The following ATP8B1 variants were observed in gnomAD, a reference collection of about 807,000 sequenced individuals.
The protein encoded by ATP8B1 is phospholipid-transporting ATPase IC.
Under a neutral mutation model 149.9 loss-of-function variants are expected in ATP8B1, and 80 were observed. The observed-to-expected ratio is 0.53, with a 90% confidence interval of 0.45 to 0.64. The LOEUF (loss-of-function observed/expected upper bound fraction) is 0.64. ATP8B1 is among the 30% of genes least tolerant of loss of function. The pLI is 0.00. For synonymous variants in ATP8B1, 536 were observed against 562.8 expected (o/e 0.95, Z 0.67); for missense variants, 1,247 against 1,552.6 (o/e 0.80, Z 3.31).
intron 2 of ATP8B1, among the ~76,000 whole-genome samples, chr18:57,729,975 A>T (rs949398762): frequency 2.4e-4 from 36 of 152,132 alleles, no homozygotes; most frequent in African/African-American, 8.7e-4. Flanking sequence ...CTAAGAGGTA[A>T]TCCATCTAAA....
chr18:57,754,064 G>C (rs2123281453), intron 1 of ATP8B1, among the ~76,000 whole-genome samples: 1 of 82,904 alleles, frequency 1.2e-5, no homozygotes, highest in East Asian at 2.4e-4. Flanking sequence ...TGGACTTGAG[G>C]AGGCATATTT....
rs984405052 is a variant in ATP8B1 at position 57,760,288 on chromosome 18, C to T, written c.-25-28456G>A. Among the ~76,000 whole-genome samples, 4 of 152,240 alleles carry T rather than the reference C, an allele frequency of 2.6e-5. No homozygotes were observed. The South Asian group carries it at 6.2e-4, about 24-fold the overall frequency. On this transcript the variant is annotated intron_variant, in intron 1 of 27. Transcript: ENST00000648908. ...TCTTGGGATGAACATTTCATCAACACAATCACTCTGGGATAATGCCTGGGT... is the reference window on the plus strand; with the variant it reads ...TCTTGGGATGAACATTTCATCAACATAATCACTCTGGGATAATGCCTGGGT...
rs888398051 is a variant in ATP8B1 at position 57,647,281 on chromosome 18, A to G, written c.*1207T>C. On this transcript the variant is annotated 3_prime_UTR_variant, in exon 28 of 28. Transcript: ENST00000648908. ...TCATTTGGTACTATGGGAAGCTGCT[A>G]AAATAATATTTGATAGTAAAAGTAT... The G allele has an allele frequency of 2.6e-5, 4 of 152,212 alleles. No homozygotes were observed. Among genetic ancestry groups the G allele is most frequent in the Non-Finnish European group, 4.4e-5 (3 of 68,032 alleles). The allele number at this position is 152,212 out of a possible 1,614,324, so 9.4% of individuals were successfully genotyped here. A position where few individuals can be genotyped will look rare whatever the true frequency, so the allele number is the denominator to read the frequency against.
chr18:57,719,093 T>C (rs2079612171), intron 2 of ATP8B1, among the ~76,000 whole-genome samples: 1 of 152,228 alleles, frequency 6.6e-6, no homozygotes, highest in Non-Finnish European at 1.5e-5. Context: ...TGATCTCATA[T>C]TTGGAAAAAC....
At chr18:57,743,305 C>G (rs1161351947) in intron 1 of ATP8B1, among the ~76,000 whole-genome samples, 6 of 152,142 alleles carry the variant, frequency 3.9e-5, no homozygotes, top group Non-Finnish European at 7.4e-5. Context: ...CAGGAAGCAT[C>G]AGAGCCTGCT....
chr18:57,658,332 G>A (rs961377838), intron 22 of ATP8B1, among the ~76,000 whole-genome samples: 5 of 152,178 alleles, frequency 3.3e-5, no homozygotes, highest in African/African-American at 1.2e-4. Flanking sequence ...TTACAGGCAT[G>A]AGCCACCATG....
chr18:57,662,418 A>G (rs1261662557), intron 21 of ATP8B1, 65 bp downstream of exon 21: 2 of 1,598,364 alleles, frequency 1.3e-6, no homozygotes, highest in Non-Finnish European at 1.7e-6. Context: ...GAAAGCATCT[A>G]AAAGTGGCTC....
At chr18:57,690,517 A>G (rs778103058) in intron 12 of ATP8B1, among the ~76,000 whole-genome samples, 2 of 152,274 alleles carry the variant, frequency 1.3e-5, no homozygotes, top group Non-Finnish European at 2.9e-5. Flanking sequence ...AGTTTCTTTT[A>G]TAATACACAT....
intron 1 of ATP8B1, among the ~76,000 whole-genome samples, chr18:57,745,878 C>T (rs1041011774): frequency 6.6e-6 from 1 of 152,050 alleles, no homozygotes. Flanking sequence ...CCAGGCTGAT[C>T]CCAAACTCCT....
rs121909099 is a variant in ATP8B1 at position 57,695,248 on chromosome 18, A to G, written c.863T>C (p.Leu288Ser). Residue 288 changes from leucine (L) to serine (S), a missense_variant, in exon 10 of 28, where the codon TTG becomes TCG. Around this residue, in one of 3 missense-constraint regions of ATP8B1, gnomAD observed 853 missense variants for 1,035.7 expected, o/e 0.82. Coordinates refer to ENST00000648908, the MANE Select transcript of ATP8B1 (RefSeq NM_001374385.1). Reference sequence around the variant, plus strand: ...ACGTAACAAAATTTTATCAGCATCCAAAGGAAAACTTGTGTTTCTCCAAAA... The same window carrying G: ...ACGTAACAAAATTTTATCAGCATCCGAAGGAAAACTTGTGTTTCTCCAAAA... ...TLFWRNTSFP[L>S]DADKILLRGC... 1.2e-6 allele frequency: 2 copies of G among 1,613,962 alleles called. No individual in the cohort carries two copies. The highest frequency in any genetic ancestry group is 1.7e-6 in the Non-Finnish European group (2 of 1,179,960).
Position 57,697,618 on chromosome 18 carries a change from C to A in ATP8B1, c.698G>T (p.Gly233Val), listed in dbSNP as rs868595600. Residue 233 changes from glycine (G) to valine (V), a missense_variant and splice_region_variant, in exon 8 of 28, where the codon GGA becomes GTA. Gly to Val is a moderately radical substitution (Grantham distance 109). Around this residue, in one of 3 missense-constraint regions of ATP8B1, gnomAD observed 853 missense variants for 1,035.7 expected, o/e 0.82. Coordinates refer to ENST00000648908, the MANE Select transcript of ATP8B1 (RefSeq NM_001374385.1). ...LCYVETAELD[G>V]ETNLKFKMSL... The stretch of plus-strand genomic sequence containing the variant: ...ATCAGGCCCATCGAGACACACTTAC[C>A]CATCCAGTTCTGCTGTTTCCACATA... The A allele has an allele frequency of 6.2e-7, 1 of 1,613,800 alleles. No individual in the cohort carries two copies. Among genetic ancestry groups the A allele is most frequent in the Non-Finnish European group, 8.5e-7 (1 of 1,179,852 alleles).
intron 1 of ATP8B1, among the ~76,000 whole-genome samples, chr18:57,743,838 A>C (rs1190181027): frequency 6.6e-6 from 1 of 152,122 alleles, no homozygotes; most frequent in Non-Finnish European, 1.5e-5. Flanking sequence ...CACTCATCTG[A>C]CAGGGGGAAG....
At position 57,732,313 on chromosome 18, in the gene ATP8B1, G is replaced by A. The variant is rs370319073; in HGVS notation, c.-25-481C>T. Among the ~76,000 whole-genome samples, 6 of 10,454 alleles carry A rather than the reference G, an allele frequency of 5.7e-4. 1 individual carries two copies. The highest frequency in any genetic ancestry group is 5.4e-3 in the Admixed American group (3 of 558). The allele number at this position is 10,454 out of a possible 152,430, so 6.9% of individuals were successfully genotyped here. A position where few individuals can be genotyped will look rare whatever the true frequency, so the allele number is the denominator to read the frequency against. On this transcript the variant is annotated intron_variant, in intron 1 of 27. Coordinates refer to ENST00000648908, the MANE Select transcript of ATP8B1 (RefSeq NM_001374385.1). ...TGTATATATATGTGTATATATGTGT[G>A]TATATATGTGTATATATGTGTGTAT...
Position 57,668,559 on chromosome 18 carries a change from A to AAAAAAAG in ATP8B1, c.2098-20_2098-19insCTTTTTT, listed in dbSNP as rs769272224. On this transcript the variant is annotated intron_variant, in intron 18 of 27. Coordinates refer to ENST00000648908, the MANE Select transcript of ATP8B1 (RefSeq NM_001374385.1). ...CCAGGAGCTAGAATGTATATTAAAA[A>AAAAAAAG]AAAAAAAAAAAGGAATTAGCAAACA... 6.9e-7 allele frequency: 1 copy of AAAAAAAG among 1,446,000 alleles called. No homozygotes were observed. Among genetic ancestry groups the AAAAAAAG allele is most frequent in the South Asian group, 1.3e-5 (1 of 79,824 alleles). The allele number at this position is 1,446,000 out of a possible 1,614,324, so 89.6% of individuals were successfully genotyped here.
intron 16 of ATP8B1, among the ~76,000 whole-genome samples, chr18:57,673,204 CT>C (rs1911376932): frequency 6.6e-6 from 1 of 151,550 alleles, no homozygotes; most frequent in African/African-American, 2.4e-5. Flanking sequence ...CCAGCCTGTG[CT>C]TTTTAAAAAT....
chr18:57,686,367 ACT>A lies in ATP8B1; in HGVS notation c.1430-1254_1430-1253del, dbSNP rs199624593. On this transcript the variant is annotated intron_variant, in intron 13 of 27. Transcript: ENST00000648908. The stretch of plus-strand genomic sequence containing the variant: ...TTTGATTTTTTTGAGTCAGGGTTTC[ACT>A]CTGTCACCCAGGCTGGAGTGCAGTG... Among the ~76,000 whole-genome samples, 284 of 151,770 alleles carry A rather than the reference ACT, an allele frequency of 1.9e-3. 10 individuals are homozygous for A. The East Asian group carries it at 0.046, about 25-fold the overall frequency.
chr18:57,776,436 G>T (rs1221020935), intron 1 of ATP8B1, among the ~76,000 whole-genome samples: 1 of 152,234 alleles, frequency 6.6e-6, no homozygotes, highest in Non-Finnish European at 1.5e-5. Flanking sequence ...AAGAAACAGA[G>T]ACATGAAGAG....
rs748391460 is a variant in ATP8B1, at chr18:57,667,119, G to C, written c.2258C>G (p.Thr753Ser). 3.7e-6 allele frequency: 6 copies of C among 1,613,314 alleles called. No homozygotes were observed. Among genetic ancestry groups the C allele is most frequent in the Non-Finnish European group, 5.1e-6 (6 of 1,179,212 alleles). The change falls in exon 20 of 28, where the codon ACC (threonine) becomes AGC (serine). Residue 753 changes from threonine (T) to serine (S), a missense_variant. Thr to Ser is a moderately conservative substitution (Grantham distance 58, BLOSUM62 1). Transcript: ENST00000648908. The part of the protein sequence containing the change: ...GFACELLTED[T>S]TICYGEDINS... ...AATATCCTCCCCATAGCAGATGGTG[G>C]TGTCTTCAGTCAGAAGTTCACAAGC...
chr18:57,695,497 A>T lies in ATP8B1; in HGVS notation c.734T>A (p.Ile245Asn). The change falls in exon 9 of 28, where the codon ATC becomes AAC. Residue 245 changes from isoleucine (I) to asparagine (N), a missense_variant. Ile to Asn is a moderately radical substitution (Grantham distance 149, BLOSUM62 -3). Coordinates refer to ENST00000648908, the MANE Select transcript of ATP8B1 (RefSeq NM_001374385.1). ...TTCTCTTTGGAGGTACTGGTCTGTG[A>T]TTTCAAGTGACATCTTAAATTTTAA... ...TNLKFKMSLE[I>N]TDQYLQREDT... The T allele has an allele frequency of 6.2e-7, 1 of 1,612,748 alleles. No individual in the cohort carries two copies. The highest frequency in any genetic ancestry group is 8.5e-7 in the Non-Finnish European group (1 of 1,178,802).
Sources: gnomAD v4.1 joint callset for allele counts (sites outside exome capture counted in the v4.1 genomes callset) on GRCh38, gnomAD v4.1.1 for gene constraint, gnomAD v4.1.1 regional missense constraint, MANE v1.5 for transcripts, NCBI Gene and HGNC (gene_info 2026-07-23, HGNC 2026-07-21) for gene names.